The following MAPKAPK2 variants were observed in gnomAD, a reference collection of about 807,000 sequenced individuals.
The protein encoded by MAPKAPK2 is MAP kinase-activated protein kinase 2.
A neutral mutation model predicts 48.8 loss-of-function variants in MAPKAPK2; 9 were observed. The ratio of observed to expected loss-of-function variants is 0.18; its 90% confidence interval spans 0.11 to 0.32. The LOEUF (loss-of-function observed/expected upper bound fraction) is 0.32. Among genes scored for constraint, MAPKAPK2 ranks in the 10% least tolerant of loss-of-function variants. MAPKAPK2 has a pLI of 1.00. For synonymous variants in MAPKAPK2, 202 were observed against 190.6 expected (o/e 1.06, Z -0.49); for missense variants, 331 against 498.3 (o/e 0.66, Z 3.20).
intron 1 of MAPKAPK2, among the ~76,000 whole-genome samples, chr1:206,700,973 T>G (rs1672775426): frequency 6.6e-6 from 1 of 152,130 alleles, no homozygotes; most frequent in African/African-American, 2.4e-5. Context: ...GTAAAGTCCT[T>G]GGGGGTGAGA....
intron 1 of MAPKAPK2, among the ~76,000 whole-genome samples, chr1:206,685,918 A>G (rs1553425544): frequency 6.6e-6 from 1 of 152,120 alleles, no homozygotes; most frequent in Non-Finnish European, 1.5e-5. Context: ...CAAAAGGCCC[A>G]TTACTCATTG....
intron 1 of MAPKAPK2, among the ~76,000 whole-genome samples, chr1:206,685,713 G>C (rs1398944677): frequency 6.7e-6 from 1 of 150,112 alleles, no homozygotes; most frequent in East Asian, 2.0e-4. Flanking sequence ...GCTTCCGGCC[G>C]CTCCCGGGCG....
At chr1:206,717,234 G>C (rs746983463) in intron 1 of MAPKAPK2, among the ~76,000 whole-genome samples, 3 of 152,152 alleles carry the variant, frequency 2.0e-5, no homozygotes, top group Non-Finnish European at 4.4e-5. Flanking sequence ...ATACTTCCTT[G>C]GGCCTTGGTT....
intron 1 of MAPKAPK2, among the ~76,000 whole-genome samples, chr1:206,709,604 G>A (rs782245766): frequency 6.6e-6 from 1 of 152,232 alleles, no homozygotes; most frequent in Non-Finnish European, 1.5e-5. Context: ...CTTGAAGTCA[G>A]TCCGAGCCTC....
In MAPKAPK2 at chr1:206,685,157, G is replaced by T; in HGVS notation, c.-73G>T. ...CTTCGCAGCCCGTCGGGGGGCGGCG[G>T]GGAGGGGGCCCGGAGCCGGAGGAGG... On this transcript the variant is annotated 5_prime_UTR_variant, in exon 1 of 10. Coordinates refer to ENST00000367103, the MANE Select transcript of MAPKAPK2 (RefSeq NM_032960.4). 4.1e-6 allele frequency: 1 copy of T among 245,312 alleles called. No homozygotes were observed. The highest frequency in any genetic ancestry group is 7.6e-6 in the Non-Finnish European group (1 of 131,868). The allele number at this position is 245,312 out of a possible 1,614,324, so 15.2% of individuals were successfully genotyped here.
At chr1:206,689,183 G>A (rs1293096700) in intron 1 of MAPKAPK2, among the ~76,000 whole-genome samples, 1 of 152,184 alleles carries the variant, frequency 6.6e-6, no homozygotes, top group Non-Finnish European at 1.5e-5. Flanking sequence ...TCTTTCCATT[G>A]CGTGGATTAG....
rs1417904687 is a variant in MAPKAPK2 at position 206,732,884 on chromosome 1, C to A, written c.*166C>A. 4 of 781,874 alleles carry A rather than the reference C, an allele frequency of 5.1e-6. No individual in the cohort carries two copies. In the African/African-American group the frequency reaches 7.0e-5, roughly 14 times the overall value. 48.4% of individuals were successfully genotyped at this position (781,874 alleles called of 1,614,324 possible). A position where few individuals can be genotyped will look rare whatever the true frequency, so the allele number is the denominator to read the frequency against. The stretch of plus-strand genomic sequence containing the variant: ...AATTCTGCCTTGGTTCTGGCCACCC[C>A]AGAGTGGGAGAGGCTGGGAGGTTGG... On this transcript the variant is annotated 3_prime_UTR_variant, in exon 10 of 10. Coordinates refer to ENST00000367103, the MANE Select transcript of MAPKAPK2 (RefSeq NM_032960.4). This position sits in a 1 kb window ranked among gnomAD's most constrained non-coding sequence, Gnocchi z 4.4.
At chr1:206,715,561 A>G (rs1198354506) in intron 1 of MAPKAPK2, among the ~76,000 whole-genome samples, 1 of 149,010 alleles carries the variant, frequency 6.7e-6, no homozygotes, top group African/African-American at 2.5e-5. Context: ...CCCTTTTGGG[A>G]TCTCTGCCCA....
At position 206,728,694 on chromosome 1, in the gene MAPKAPK2, G is replaced by C. The variant is rs1553432171; in HGVS notation, c.280-16G>C. Reference sequence around the variant, plus strand: ...ATGTGACAGCGCAGTTACTCAGAAAGCTGTTTGGCCTGCAGATGCTTCAGG... The same window carrying C: ...ATGTGACAGCGCAGTTACTCAGAAACCTGTTTGGCCTGCAGATGCTTCAGG... On this transcript the variant is annotated splice_polypyrimidine_tract_variant and intron_variant, in intron 1 of 9. Coordinates refer to ENST00000367103, the MANE Select transcript of MAPKAPK2 (RefSeq NM_032960.4). 4 of 1,611,244 alleles carry C rather than the reference G, an allele frequency of 2.5e-6. No individual in the cohort carries two copies. Among genetic ancestry groups the C allele is most frequent in the Non-Finnish European group, 3.4e-6 (4 of 1,178,908 alleles).
At chr1:206,718,672 G>A (rs552180043) in intron 1 of MAPKAPK2, among the ~76,000 whole-genome samples, 1 of 151,858 alleles carries the variant, frequency 6.6e-6, no homozygotes, top group Non-Finnish European at 1.5e-5. Context: ...TTTCTTCTAC[G>A]ACACCGCACG....
chr1:206,685,428 A>T lies in MAPKAPK2; in HGVS notation c.199A>T (p.Ser67Cys). Residue 67 changes from serine (S) to cysteine (C), a missense_variant, in exon 1 of 10, where the codon AGC (serine) becomes TGC (cysteine). By Grantham distance (112) the Ser-to-Cys change is moderately radical. Coordinates refer to ENST00000367103, the MANE Select transcript of MAPKAPK2 (RefSeq NM_032960.4). ...NAIIDDYKVT[S>C]QVLGLGINGK... ...CATCATCGATGACTACAAGGTCACC[A>T]GCCAGGTCCTGGGGCTGGGCATCAA... is the stretch of plus-strand genomic sequence containing the variant. 1 of 1,545,398 alleles carries T rather than the reference A, an allele frequency of 6.5e-7. No individual in the cohort carries two copies. The highest frequency in any genetic ancestry group is 8.8e-7 in the Non-Finnish European group (1 of 1,141,016).
chr1:206,729,230 G>A lies in MAPKAPK2; in HGVS notation c.484+131G>A. On this transcript the variant is annotated intron_variant, in intron 3 of 9. Transcript: ENST00000367103. ...CCCCCTCCAGCATGCTGCAAGGGGTGCCTCAGCTGACCAGGGAAGCTCCTG... is the reference window on the plus strand; with the variant it reads ...CCCCCTCCAGCATGCTGCAAGGGGTACCTCAGCTGACCAGGGAAGCTCCTG... The A allele has an allele frequency of 5.2e-6, 6 of 1,153,872 alleles. 1 individual carries two copies. Among genetic ancestry groups the A allele is most frequent in the Non-Finnish European group, 7.8e-6 (6 of 766,242 alleles). The allele number at this position is 1,153,872 out of a possible 1,614,324, so 71.5% of individuals were successfully genotyped here. A position where few individuals can be genotyped will look rare whatever the true frequency, so the allele number is the denominator to read the frequency against.
In MAPKAPK2 at chr1:206,729,473, A is replaced by G; in HGVS notation, c.562A>G (p.Lys188Glu). 6.2e-7 allele frequency: 1 copy of G among 1,613,780 alleles called. No individual in the cohort carries two copies. ...AATCAACATTGCCCATCGGGATGTCAAGGTGCCAGCTGTTCATAACCCTGA... is the reference window on the plus strand; with the variant it reads ...AATCAACATTGCCCATCGGGATGTCGAGGTGCCAGCTGTTCATAACCCTGA... Reference protein sequence around the residue: ...HSINIAHRDVKPENLLYTSKR... With the variant: ...HSINIAHRDVEPENLLYTSKR... Residue 188 changes from lysine to glutamate, a missense_variant and splice_region_variant, in exon 4 of 10, where the codon AAG becomes GAG. Transcript: ENST00000367103.
At position 206,731,092 on chromosome 1, in the gene MAPKAPK2, AGT is replaced by A; in HGVS notation, c.768-44_768-43del. 1 of 1,613,490 alleles carries A rather than the reference AGT, an allele frequency of 6.2e-7. No homozygotes were observed. Among genetic ancestry groups the A allele is most frequent in the Non-Finnish European group, 8.5e-7 (1 of 1,179,398 alleles). On this transcript the variant is annotated intron_variant, in intron 6 of 9. Transcript: ENST00000367103. The surrounding 1 kb of genome is among the most constrained non-coding windows in gnomAD (Gnocchi z 5.9). ...TCCTGTTCCTGGTACAGGGCCACTA[AGT>A]GACAGCTGTTCTGTCTCCCACTTCC...
At chr1:206,730,817 C>A in intron 6 of MAPKAPK2, 54 bp downstream of exon 6, 1 of 1,563,074 alleles carries the variant, frequency 6.4e-7, no homozygotes, top group Non-Finnish European at 8.8e-7. Flanking sequence ...GCGGCCTGTA[C>A]TTCTCCAGGA....
chr1:206,723,015 C>T (rs1398649998), intron 1 of MAPKAPK2, among the ~76,000 whole-genome samples: 4 of 152,248 alleles, frequency 2.6e-5, no homozygotes, highest in African/African-American at 9.6e-5. Context: ...ACACATACCG[C>T]ACCACACACC....
chr1:206,696,008 A>G (rs1672613093), intron 1 of MAPKAPK2: 3 of 776,326 alleles, frequency 3.9e-6, no homozygotes, highest in Non-Finnish European at 7.2e-6. Context: ...TGTGTAGGGC[A>G]GTGATACCCA....
At chr1:206,719,020 T>G (rs572895352) in intron 1 of MAPKAPK2, among the ~76,000 whole-genome samples, 2 of 152,322 alleles carry the variant, frequency 1.3e-5, no homozygotes, top group South Asian at 4.1e-4. Flanking sequence ...TATCATCTTT[T>G]TTATAAACAT....
At chr1:206,707,993 C>T (rs1285115093) in intron 1 of MAPKAPK2, among the ~76,000 whole-genome samples, 4 of 152,162 alleles carry the variant, frequency 2.6e-5, no homozygotes, top group African/African-American at 4.8e-5. Context: ...AGCTGGAAAG[C>T]GTTAAGTAGG....
Sources: gnomAD v4.1 joint callset for allele counts (sites outside exome capture counted in the v4.1 genomes callset) on GRCh38, gnomAD v4.1.1 for gene constraint, Gnocchi (gnomAD v3.1) non-coding constraint, MANE v1.5 for transcripts, NCBI Gene and HGNC (gene_info 2026-07-23, HGNC 2026-07-21) for gene names.